Variants in BBS4 observed in about 807,000 individuals in gnomAD.
BBS4 encodes BBSome complex member BBS4.
A neutral mutation model predicts 71.4 loss-of-function variants in BBS4; 58 were observed. That is an observed-to-expected ratio of 0.81 (90% CI 0.66 to 1.01). The LOEUF (loss-of-function observed/expected upper bound fraction) is 1.01, where lower values mean the gene tolerates loss of function less well. Among genes scored for constraint, BBS4 ranks in the 50% least tolerant of loss-of-function variants. BBS4 has a pLI of 0.00. For synonymous variants in BBS4, 228 were observed against 216.8 expected (o/e 1.05, Z -0.46); for missense variants, 660 against 607.9 (o/e 1.09, Z -0.90).
chr15:72,698,668 A>C (rs2065119755), intron 2 of BBS4, among the ~76,000 whole-genome samples: 1 of 152,168 alleles, frequency 6.6e-6, no homozygotes, highest in Non-Finnish European at 1.5e-5. Flanking sequence ...GAGTCTTTAT[A>C]TGTCAGTAAT....
chr15:72,716,073 CTA>C (rs140277052), intron 5 of BBS4, among the ~76,000 whole-genome samples: 11,362 of 152,200 alleles, frequency 0.075, 594 homozygotes, highest in Non-Finnish European at 0.12. Flanking sequence ...GCTAGGCTAT[CTA>C]TGATGTCTGG....
In BBS4 at chr15:72,730,555, A is replaced by G. The variant is rs146062401; in HGVS notation, c.712-750A>G. 7.4e-3 allele frequency among the ~76,000 whole-genome samples: 698 copies of G among 94,554 alleles called. 20 individuals are homozygous for G. The Admixed American group carries it at 0.077, about 10-fold the overall frequency. The allele number at this position is 94,554 out of a possible 152,430, so 62.0% of individuals were successfully genotyped here. A position where few individuals can be genotyped will look rare whatever the true frequency, so the allele number is the denominator to read the frequency against. ...TACAGTGGGCTATGATGGCACCACT[A>G]TACTCCAGCCTGGGTGACAGAGACC... On this transcript the variant is annotated intron_variant, in intron 10 of 15. Coordinates refer to ENST00000268057, the MANE Select transcript of BBS4 (RefSeq NM_033028.5).
At chr15:72,715,105 G>A (rs1253597892) in intron 4 of BBS4, among the ~76,000 whole-genome samples, 186 bp from the exon 5 acceptor site, 1 of 152,190 alleles carries the variant, frequency 6.6e-6, no homozygotes, top group South Asian at 2.1e-4. Flanking sequence ...AGTTGAGCTT[G>A]TCAGCAGTTT....
chr15:72,736,451 A>G (rs1197271522), intron 14 of BBS4, among the ~76,000 whole-genome samples: 3 of 152,132 alleles, frequency 2.0e-5, no homozygotes, highest in African/African-American at 7.2e-5. Context: ...CATGTTGGCC[A>G]GGATGGTCTT....
chr15:72,722,408 CGGAAATGTGT>C (rs1294853214), intron 6 of BBS4, among the ~76,000 whole-genome samples: 1 of 152,126 alleles, frequency 6.6e-6, no homozygotes, highest in African/African-American at 2.4e-5. Context: ...GCCTTAAGGG[CGGAAATGTGT>C]GGCTAGCAGC....
intron 1 of BBS4, 46 bp from the exon 2 acceptor site, chr15:72,695,131 A>G (rs746652913): frequency 9.4e-6 from 13 of 1,383,672 alleles, no homozygotes; most frequent in South Asian, 3.6e-5. Flanking sequence ...TAAGTTAGCA[A>G]GTTTATATTG....
intron 2 of BBS4, among the ~76,000 whole-genome samples, chr15:72,696,966 T>C (rs1353455785): frequency 6.6e-6 from 1 of 152,180 alleles, no homozygotes; most frequent in African/African-American, 2.4e-5. Context: ...GGAGGCTCGC[T>C]CTGTCACCCA....
chr15:72,698,177 A>G (rs2065110233), intron 2 of BBS4: 1 of 310,096 alleles, frequency 3.2e-6, no homozygotes, highest in African/African-American at 2.1e-5. Flanking sequence ...TATGTAAAAA[A>G]CCTGATCTCA....
Position 72,737,468 on chromosome 15 carries a change from T to C in BBS4, c.1451-10T>C, listed in dbSNP as rs111566649. The C allele has an allele frequency of 1.9e-6, 3 of 1,604,794 alleles. No homozygotes were observed. The African/African-American group carries it at 4.0e-5, about 21-fold the overall frequency. On this transcript the variant is annotated splice_polypyrimidine_tract_variant and intron_variant, in intron 15 of 15. Transcript: ENST00000268057. Reference sequence around the variant, plus strand: ...GAACATGAGGATTCAAGTTTTTATTTTGTTACTAGGTGCTGGAGGAACATC... The same window carrying C: ...GAACATGAGGATTCAAGTTTTTATTCTGTTACTAGGTGCTGGAGGAACATC...
chr15:72,701,651 C>G (rs565177817), intron 2 of BBS4, among the ~76,000 whole-genome samples: 48 of 152,184 alleles, frequency 3.2e-4, no homozygotes, highest in African/African-American at 1.1e-3. Context: ...AAATGCTTCA[C>G]CTCTGGTAAG....
At chr15:72,706,711 TTTAC>T (rs2065269664) in intron 2 of BBS4, among the ~76,000 whole-genome samples, 1 of 152,140 alleles carries the variant, frequency 6.6e-6, no homozygotes, top group Admixed American at 6.5e-5. Context: ...TGCTTAAAAT[TTTAC>T]TTTTTTTCTT....
chr15:72,717,449 G>C (rs2065487369), intron 6 of BBS4: 1 of 152,462 alleles, frequency 6.6e-6, no homozygotes, highest in African/African-American at 2.4e-5. Context: ...TGTCAAGACT[G>C]AGAGTTTTTC....
intron 12 of BBS4, among the ~76,000 whole-genome samples, chr15:72,733,876 T>A (rs1050299730): frequency 2.6e-5 from 4 of 152,192 alleles, no homozygotes; most frequent in Non-Finnish European, 4.4e-5. Context: ...TTGAACTAAT[T>A]TACACTCCCA....
chr15:72,704,552 C>T (rs575275470), intron 2 of BBS4: 1 of 840,132 alleles, frequency 1.2e-6, no homozygotes, highest in African/African-American at 1.8e-5. Flanking sequence ...ATTCCTTCAT[C>T]TTTGATGATA....
At chr15:72,730,939 C>A (rs2065804616) in intron 10 of BBS4, among the ~76,000 whole-genome samples, 3 of 151,918 alleles carry the variant, frequency 2.0e-5, no homozygotes, top group Non-Finnish European at 4.4e-5. Flanking sequence ...CTTGGTATAC[C>A]AAATAGGGGC....
chr15:72,728,010 T>C lies in BBS4; in HGVS notation c.642+16T>C. On this transcript the variant is annotated intron_variant, in intron 9 of 15. Transcript: ENST00000268057. Reference sequence around the variant, plus strand: ...CTACTTACAGGTAATGAAAACTCTGTACTCATTCATGCACTGATGTTAGAA... The same window carrying C: ...CTACTTACAGGTAATGAAAACTCTGCACTCATTCATGCACTGATGTTAGAA... 21 of 1,589,866 alleles carry C rather than the reference T, an allele frequency of 1.3e-5. No homozygotes were observed. Among genetic ancestry groups the C allele is most frequent in the Non-Finnish European group, 1.8e-5 (21 of 1,157,936 alleles).
At chr15:72,731,820 G>A in intron 12 of BBS4, 94 bp downstream of exon 12, 1 of 1,468,742 alleles carries the variant, frequency 6.8e-7, no homozygotes, top group Non-Finnish European at 9.5e-7. Context: ...TCTCATAGGA[G>A]CCATTCCCTT....
rs77313915 is a variant in BBS4 at position 72,706,946 on chromosome 15, G to A, written c.77-2754G>A. 3.2e-3 allele frequency among the ~76,000 whole-genome samples: 480 copies of A among 152,090 alleles called. 1 individual carries two copies. The highest frequency in any genetic ancestry group is 0.01 in the Middle Eastern group (3 of 294). ...TCCTCCTGCCTCAGCCTCCCAAAGC[G>A]CTGGGATTACAGTTGTGAGCCAGTG... On this transcript the variant is annotated intron_variant, in intron 2 of 15. Coordinates refer to ENST00000268057, the MANE Select transcript of BBS4 (RefSeq NM_033028.5).
chr15:72,715,397 A>T lies in BBS4; in HGVS notation c.327A>T (p.Arg109Ser), dbSNP rs149344505. Residue 109 changes from arginine (R) to serine (S), a missense_variant, in exon 5 of 16, where the codon AGA becomes AGT. Arg to Ser is a moderately radical substitution (Grantham distance 110). Coordinates refer to ENST00000268057, the MANE Select transcript of BBS4 (RefSeq NM_033028.5). ...CTGATAACCTCAAGCAGGTGGCCAGATCTTTGTGAGTATTGGCAACCTGGA... is the reference window on the plus strand; with the variant it reads ...CTGATAACCTCAAGCAGGTGGCCAGTTCTTTGTGAGTATTGGCAACCTGGA... ...QSADNLKQVA[R>S]SLFLLGKHKA... 18 of 1,611,990 alleles carry T rather than the reference A, an allele frequency of 1.1e-5. No homozygotes were observed. The highest frequency in any genetic ancestry group is 1.4e-5 in the Non-Finnish European group (17 of 1,178,076).
Sources: gnomAD v4.1 joint callset for allele counts (sites outside exome capture counted in the v4.1 genomes callset) on GRCh38, gnomAD v4.1.1 for gene constraint, MANE v1.5 for transcripts, NCBI Gene and HGNC (gene_info 2026-07-23, HGNC 2026-07-21) for gene names.